Variants in ASMTL observed in about 807,000 individuals in gnomAD.
ASMTL encodes the protein acetylserotonin O-methyltransferase like, also known as probable bifunctional dTTP/UTP pyrophosphatase/methyltransferase protein.
ASMTL carries 57 observed loss-of-function variants against 60.3 expected under a neutral mutation model. The observed-to-expected ratio is 0.95, with a 90% CI of 0.76 to 1.18. The LOEUF (loss-of-function observed/expected upper bound fraction) is 1.18. Among genes scored for constraint, ASMTL ranks in the 50% most tolerant of loss-of-function variants. The probability of loss-of-function intolerance (pLI) is 0.00; values close to 1 mark genes in which losing one functional copy is unlikely to be tolerated. For synonymous variants in ASMTL, 419 were observed against 373.0 expected (o/e 1.12, Z -1.42); for missense variants, 981 against 852.6 (o/e 1.15, Z -1.88).
rs777208201 is a variant in ASMTL, at chrX:1,418,995, G to C, written c.1365C>G (p.Ala455=). ...TAFNLSRFSS[A]CDVGGCTGAL... ...GGGGCCACCCACCTCCCACGTCGCAGGCGGAGGAGAAGCGGGACAGATTGA... is the reference window on the plus strand; with the variant it reads ...GGGGCCACCCACCTCCCACGTCGCACGCGGAGGAGAAGCGGGACAGATTGA... The change falls in exon 10 of 13, where the codon GCC becomes GCG. Residue 455 remains alanine (A), a synonymous_variant. Coordinates refer to ENST00000381317, the MANE Select transcript of ASMTL (RefSeq NM_004192.4). The C allele has an allele frequency of 6.2e-7, 1 of 1,611,922 alleles. No homozygotes were observed.
chrX:1,453,396 G>A (rs1407723262), upstream of ASMTL, among the ~76,000 whole-genome samples: 4 of 134,550 alleles, frequency 3.0e-5, no homozygotes, highest in Non-Finnish European at 6.5e-5. Flanking sequence ...ACCGCCCCCA[G>A]CTCCGCCTCC....
At chrX:1,408,141 C>T (rs1296881664) in intron 12 of ASMTL, among the ~76,000 whole-genome samples, 3 of 116,554 alleles carry the variant, frequency 2.6e-5, no homozygotes, top group African/African-American at 5.7e-5. Context: ...GTCAAGGCTG[C>T]AGTGAACTAT....
intron 3 of ASMTL, 49 bp from the exon 4 acceptor site, chrX:1,435,807 G>C (rs1168344264): frequency 2.0e-6 from 3 of 1,503,584 alleles, no homozygotes; most frequent in East Asian, 2.3e-5. Flanking sequence ...GCTGGGTCAG[G>C]CCTGTGCAAG....
chrX:1,439,260 G>A lies in ASMTL; in HGVS notation c.226-116C>T, dbSNP rs2091048934. ...CAGGGGCGAAGCCAGGCCGACTTTG[G>A]AAGTGAAGGCTGGGGGTGCTCAAGG... On this transcript the variant is annotated intron_variant, in intron 2 of 12. Transcript: ENST00000381317. The A allele has an allele frequency of 3.8e-6, 4 of 1,046,410 alleles. No individual in the cohort carries two copies. The South Asian group carries it at 5.7e-5, about 15-fold the overall frequency. The allele number at this position is 1,046,410 out of a possible 1,614,324, so 64.8% of individuals were successfully genotyped here.
chrX:1,424,025 TCCATCCATCCATCCACCCACCCACCTAC>T (rs2090545398), intron 8 of ASMTL, among the ~76,000 whole-genome samples: 1 of 123,060 alleles, frequency 8.1e-6, no homozygotes, highest in African/African-American at 3.3e-5. Context: ...CATCTGTCCA[TCCATCCATCCATCCACCCACCCACCTAC>T]CCATCCATCC....
chrX:1,445,360 C>A (rs2091210491), intron 1 of ASMTL, among the ~76,000 whole-genome samples: 1 of 152,174 alleles, frequency 6.6e-6, no homozygotes, highest in African/African-American at 2.4e-5. Context: ...GTCCTCCTCT[C>A]TGGGATGTCT....
intron 1 of ASMTL, among the ~76,000 whole-genome samples, chrX:1,444,562 C>A (rs1277798934): frequency 6.6e-6 from 1 of 152,130 alleles, no homozygotes; most frequent in Non-Finnish European, 1.5e-5. Context: ...GGTGCCGAAA[C>A]CCAGGACAGG....
At chrX:1,430,887 T>G (rs1303586772) in intron 6 of ASMTL, among the ~76,000 whole-genome samples, 195 of 119,214 alleles carry the variant, frequency 1.6e-3, no homozygotes, top group Non-Finnish European at 2.9e-3. Context: ...AAAAATATAT[T>G]TTATATAATT....
At chrX:1,451,691 TC>T (rs1441516843) in intron 1 of ASMTL, among the ~76,000 whole-genome samples, 1 of 138,560 alleles carries the variant, frequency 7.2e-6, no homozygotes, top group Non-Finnish European at 1.6e-5. Flanking sequence ...CCCGGGTTAC[TC>T]TCCTCTCCCC....
intron 11 of ASMTL, among the ~76,000 whole-genome samples, chrX:1,413,550 C>T (rs370847339): frequency 1.3e-5 from 2 of 152,320 alleles, no homozygotes; most frequent in East Asian, 3.9e-4. Flanking sequence ...CTGCACGCCC[C>T]TCTGTAATTG....
At chrX:1,423,002 G>A (rs2090520964) in intron 8 of ASMTL, among the ~76,000 whole-genome samples, 1 of 151,938 alleles carries the variant, frequency 6.6e-6, no homozygotes, top group Non-Finnish European at 1.5e-5. Flanking sequence ...CCCCAGGCTG[G>A]AGTGCAGTGG....
intron 3 of ASMTL, among the ~76,000 whole-genome samples, chrX:1,436,899 G>A (rs2090980654): frequency 6.6e-6 from 1 of 152,216 alleles, no homozygotes; most frequent in Non-Finnish European, 1.5e-5. Flanking sequence ...AACCCAGGTG[G>A]CTTAAACTAC....
At chrX:1,428,239 C>A in intron 6 of ASMTL, 118 bp from the exon 7 acceptor site, 1 of 1,285,032 alleles carries the variant, frequency 7.8e-7, no homozygotes, top group Non-Finnish European at 1.1e-6. Flanking sequence ...CGAGGCCATC[C>A]TGGCTAACAC....
chrX:1,405,621 GATGA>G (rs2089795832), intron 12 of ASMTL, among the ~76,000 whole-genome samples: 1 of 151,184 alleles, frequency 6.6e-6, no homozygotes, highest in Non-Finnish European at 1.5e-5. Context: ...TAGGTAGATA[GATGA>G]ATGGATGGAT....
intron 5 of ASMTL, among the ~76,000 whole-genome samples, chrX:1,433,790 A>T (rs1363108277): frequency 6.6e-6 from 1 of 152,068 alleles, no homozygotes; most frequent in African/African-American, 2.4e-5. Context: ...GAGGCTCCAT[A>T]CATCCTGCAC....
chrX:1,432,938 A>G lies in ASMTL; in HGVS notation c.401-561T>C, dbSNP rs368913220. On this transcript the variant is annotated intron_variant, in intron 5 of 12. Coordinates refer to ENST00000381317, the MANE Select transcript of ASMTL (RefSeq NM_004192.4). Reference sequence around the variant, plus strand: ...CATGGCGAAACCCCGTCTCTACTAAAAATACAAAAATTAGCCGGGCGTGGT... The same window carrying G: ...CATGGCGAAACCCCGTCTCTACTAAGAATACAAAAATTAGCCGGGCGTGGT... Among the ~76,000 whole-genome samples, 4 of 152,416 alleles carry G rather than the reference A, an allele frequency of 2.6e-5. No homozygotes were observed. In the East Asian group the frequency reaches 5.8e-4, roughly 22 times the overall value.
At chrX:1,421,426 A>G (rs1444154742) in intron 9 of ASMTL, among the ~76,000 whole-genome samples, 1 of 152,036 alleles carries the variant, frequency 6.6e-6, no homozygotes, top group Non-Finnish European at 1.5e-5. Flanking sequence ...CTAGGAGGAA[A>G]TTCTATTTTC....
intron 1 of ASMTL, among the ~76,000 whole-genome samples, chrX:1,443,981 T>G (rs2091179266): frequency 6.6e-6 from 1 of 152,178 alleles, no homozygotes. Flanking sequence ...CCATTTTAAG[T>G]TCCCTTGATT....
At chrX:1,434,717 CT>C (rs1276746287) in intron 5 of ASMTL, among the ~76,000 whole-genome samples, 1 of 149,790 alleles carries the variant, frequency 6.7e-6, no homozygotes, top group African/African-American at 2.5e-5. Context: ...ATCACTTGAA[CT>C]TGGGAGGCGG....
Sources: allele counts gnomAD v4.1 joint callset (sites outside exome capture counted in the v4.1 genomes callset), GRCh38; gene constraint gnomAD v4.1.1; transcripts MANE v1.5; gene names NCBI Gene and HGNC (gene_info 2026-07-23, HGNC 2026-07-21).